The following EDAR variants were observed in gnomAD, a reference collection of about 807,000 sequenced individuals.
EDAR encodes the protein ectodysplasin A receptor, also known as tumor necrosis factor receptor superfamily member EDAR.
EDAR carries 38 observed loss-of-function variants against 51.3 expected under a neutral mutation model. That is an observed-to-expected ratio of 0.74 (90% CI 0.57 to 0.97). The LOEUF is 0.97. Ranked by LOEUF, EDAR falls within the 50% of genes least tolerant of loss-of-function variation. The pLI is 0.00. For missense variants in EDAR, 528 were observed against 595.0 expected (o/e 0.89, Z 1.17); for synonymous variants, 227 against 242.1 (o/e 0.94, Z 0.58).
At chr2:108,898,038 G>A (rs146005331) in intron 11 of EDAR, among the ~76,000 whole-genome samples, 48 of 152,252 alleles carry the variant, frequency 3.2e-4, no homozygotes, top group African/African-American at 1.1e-3. Flanking sequence ...GACAAAAACA[G>A]CCCCAACAAA....
chr2:108,983,719 C>G (rs767573653), intron 1 of EDAR, among the ~76,000 whole-genome samples: 2 of 152,178 alleles, frequency 1.3e-5, no homozygotes, highest in Non-Finnish European at 2.9e-5. Flanking sequence ...TGGCTCCGTG[C>G]GGGACGGGGC....
At chr2:108,987,581 A>C (rs1698518146) in intron 1 of EDAR, among the ~76,000 whole-genome samples, 1 of 152,248 alleles carries the variant, frequency 6.6e-6, no homozygotes, top group Non-Finnish European at 1.5e-5. Context: ...CAAGCATTTC[A>C]GGGAAAGTGT....
At chr2:108,951,887 G>A (rs1336059932) in intron 1 of EDAR, among the ~76,000 whole-genome samples, 1 of 152,180 alleles carries the variant, frequency 6.6e-6, no homozygotes, top group African/African-American at 2.4e-5. Flanking sequence ...AAGGTCTCTT[G>A]AGGTATTGAA....
At chr2:108,943,618 G>C (rs1697652229) in intron 1 of EDAR, among the ~76,000 whole-genome samples, 1 of 152,168 alleles carries the variant, frequency 6.6e-6, no homozygotes, top group South Asian at 2.1e-4. Flanking sequence ...TCACTTCCGA[G>C]CACAACAGAA....
At chr2:108,981,032 G>A (rs1472440346) in intron 1 of EDAR, among the ~76,000 whole-genome samples, 1 of 152,202 alleles carries the variant, frequency 6.6e-6, no homozygotes, top group Non-Finnish European at 1.5e-5. Flanking sequence ...CTCAGCCCGT[G>A]AGTGCATACA....
chr2:108,943,839 G>A (rs185156769), intron 1 of EDAR, among the ~76,000 whole-genome samples: 8 of 152,316 alleles, frequency 5.3e-5, no homozygotes, highest in East Asian at 1.9e-4. Context: ...ATGCCAGCCC[G>A]GGGCTGAGCA....
intron 1 of EDAR, among the ~76,000 whole-genome samples, chr2:108,973,620 C>T (rs868127768): frequency 4.6e-5 from 7 of 152,196 alleles, no homozygotes; most frequent in South Asian, 2.1e-4. Flanking sequence ...TGGCTGCCTC[C>T]GGAAGAACAG....
intron 11 of EDAR, 102 bp from the exon 12 acceptor site, chr2:108,897,331 T>G: frequency 8.4e-7 from 1 of 1,184,200 alleles, no homozygotes; most frequent in Non-Finnish European, 1.2e-6. Context: ...TTGAAAAAAA[T>G]TTTTTTAAAA....
rs1696832279 is a variant in EDAR at position 108,907,489 on chromosome 2, A to AC, written c.963+370_963+371insG. 7.9e-5 allele frequency among the ~76,000 whole-genome samples: 12 copies of AC among 151,834 alleles called. 1 individual carries two copies. In the South Asian group the frequency reaches 1.9e-3, roughly 24 times the overall value. ...AGTGAAACCTCGTCTCTACTAAAAT[A>AC]TAAAAAAAATTAGCTGGGTGTGGCA... On this transcript the variant is annotated intron_variant, in intron 10 of 11. Transcript: ENST00000258443.
chr2:108,897,337 T>C, intron 11 of EDAR, 108 bp from the exon 12 acceptor site: 2 of 1,105,420 alleles, frequency 1.8e-6, no homozygotes, highest in Non-Finnish European at 2.6e-6. Context: ...AAAATTTTTT[T>C]AAAATTATAA....
chr2:108,930,917 T>C, intron 2 of EDAR, 47 bp downstream of exon 2: 3 of 1,604,528 alleles, frequency 1.9e-6, no homozygotes, highest in Non-Finnish European at 2.6e-6. Flanking sequence ...AGTCCAACCA[T>C]CATGAGGATG....
At chr2:108,938,805 C>A (rs893047818) in intron 1 of EDAR, among the ~76,000 whole-genome samples, 3 of 149,012 alleles carry the variant, frequency 2.0e-5, no homozygotes, top group Non-Finnish European at 4.5e-5. Context: ...GCCCCACCCC[C>A]CAGAGTCTTG....
chr2:108,977,934 T>C (rs576256051), intron 1 of EDAR, among the ~76,000 whole-genome samples: 1 of 152,342 alleles, frequency 6.6e-6, no homozygotes, highest in South Asian at 2.1e-4. Context: ...CTCTTATCTA[T>C]AGGCAGGATC....
chr2:108,908,163 G>T, intron 9 of EDAR, 144 bp from the exon 10 acceptor site: 1 of 868,458 alleles, frequency 1.2e-6, no homozygotes, highest in Non-Finnish European at 1.7e-6. Context: ...TGGGCACCTT[G>T]TGGGCACGGG....
At chr2:108,987,867 G>C (rs1698522262) in intron 1 of EDAR, among the ~76,000 whole-genome samples, 1 of 152,200 alleles carries the variant, frequency 6.6e-6, no homozygotes, top group African/African-American at 2.4e-5. Flanking sequence ...GGTTTTAAGT[G>C]GCTATGACTT....
intron 5 of EDAR, among the ~76,000 whole-genome samples, chr2:108,914,318 A>G (rs1370284199): frequency 6.6e-6 from 1 of 152,162 alleles, no homozygotes; most frequent in Non-Finnish European, 1.5e-5. Flanking sequence ...TAAGAACACA[A>G]GAAAGGAGGA....
chr2:108,948,250 T>C (rs1697752033), intron 1 of EDAR, among the ~76,000 whole-genome samples: 1 of 152,232 alleles, frequency 6.6e-6, no homozygotes, highest in Non-Finnish European at 1.5e-5. Flanking sequence ...CTGGACTTCA[T>C]TGTCCATATC....
At chr2:108,924,201 G>T (rs1697207053) in intron 4 of EDAR, among the ~76,000 whole-genome samples, 1 of 152,204 alleles carries the variant, frequency 6.6e-6, no homozygotes, top group Non-Finnish European at 1.5e-5. Context: ...ATGTCTTTCA[G>T]CTCCCCGATG....
chr2:108,978,024 G>A (rs1281327083), intron 1 of EDAR, among the ~76,000 whole-genome samples: 1 of 152,230 alleles, frequency 6.6e-6, no homozygotes, highest in Non-Finnish European at 1.5e-5. Flanking sequence ...TTCATCCACA[G>A]AACAGGGCTG....
Sources: allele counts gnomAD v4.1 joint callset (sites outside exome capture counted in the v4.1 genomes callset), GRCh38; gene constraint gnomAD v4.1.1; transcripts MANE v1.5; gene names NCBI Gene and HGNC (gene_info 2026-07-23, HGNC 2026-07-21).